Variants in BSX observed in about 807,000 individuals in gnomAD.
The protein encoded by BSX is brain-specific homeobox protein homolog.
BSX carries 12 observed loss-of-function variants against 16.9 expected under a neutral mutation model. That is an observed-to-expected ratio of 0.71 (90% CI 0.46 to 1.15). BSX has a LOEUF of 1.15. BSX is among the 50% of genes most tolerant of loss of function. BSX has a pLI of 0.00. For synonymous variants in BSX, 160 were observed against 136.4 expected (o/e 1.17, Z -1.20); for missense variants, 292 against 311.8 (o/e 0.94, Z 0.48).
rs1188571521 is a variant in BSX at position 122,981,536 on chromosome 11, C to A, written c.136G>T (p.Ala46Ser). The change falls in exon 1 of 3, where the codon GCC becomes TCC. Residue 46 changes from alanine to serine, a missense_variant. Coordinates refer to ENST00000343035, the MANE Select transcript of BSX (RefSeq NM_001098169.2). ...TAGTCTAGCAGAGGCACCCGAGAGG[C>A]CAGAGAGCTGGCGAAATGGTCTGGG... Reference protein sequence around the residue: ...VAPDHFASSLASRVPLLDYGY... With the variant: ...VAPDHFASSLSSRVPLLDYGY... The A allele has an allele frequency of 1.9e-6, 3 of 1,598,766 alleles. No individual in the cohort carries two copies. The highest frequency in any genetic ancestry group is 2.7e-5 in the African/African-American group (2 of 74,722).
chr11:122,978,462 AGT>A (rs1864524192), intron 2 of BSX, among the ~76,000 whole-genome samples: 1 of 151,974 alleles, frequency 6.6e-6, no homozygotes, highest in African/African-American at 2.4e-5. Context: ...CTTAAACCAT[AGT>A]GTGTGTGTTG....
At position 122,981,528 on chromosome 11, in the gene BSX, C is replaced by A; in HGVS notation, c.144G>T (p.Arg48=). The A allele has an allele frequency of 6.3e-7, 1 of 1,597,500 alleles. No individual in the cohort carries two copies. Among genetic ancestry groups the A allele is most frequent in the Non-Finnish European group, 8.5e-7 (1 of 1,172,108 alleles). Residue 48 remains arginine (R), a synonymous_variant, in exon 1 of 3, where the codon CGG becomes CGT. Transcript: ENST00000343035. ...PDHFASSLAS[R]VPLLDYGYPL... Reference sequence around the variant, plus strand: ...GGTAGCCATAGTCTAGCAGAGGCACCCGAGAGGCCAGAGAGCTGGCGAAAT... The same window carrying A: ...GGTAGCCATAGTCTAGCAGAGGCACACGAGAGGCCAGAGAGCTGGCGAAAT...
chr11:122,978,795 C>CTTTTTTTTTTTTTTT (rs35567142), intron 2 of BSX, among the ~76,000 whole-genome samples: 3 of 64,776 alleles, frequency 4.6e-5, no homozygotes, highest in African/African-American at 1.1e-4. Context: ...TTTTTCTTTT[C>CTTTTTTTTTTTTTTT]TTTTTTTTTT....
chr11:122,979,351 C>T lies in BSX; in HGVS notation c.369G>A (p.Ser123=), dbSNP rs745644362. The T allele has an allele frequency of 2.5e-6, 4 of 1,614,032 alleles. No individual in the cohort carries two copies. The African/African-American group carries it at 4.0e-5, about 16-fold the overall frequency. The part of the protein sequence containing the change: ...ARTVFSDSQL[S]GLEKRFEIQR... The stretch of plus-strand genomic sequence containing the variant: ...GGATCTCGAACCTCTTCTCCAAGCC[C>T]GAGAGCTGCGAGTCAGAGAAAACCG... The change falls in exon 2 of 3, where the codon TCG becomes TCA. Residue 123 remains serine (S), a synonymous_variant. Transcript: ENST00000343035.
intron 2 of BSX, 29 bp downstream of exon 2, chr11:122,979,232 G>A: frequency 2.5e-6 from 4 of 1,592,208 alleles, no homozygotes; most frequent in Non-Finnish European, 3.4e-6. Flanking sequence ...ACGAAGCAGA[G>A]ATCAGGGCCT....
Position 122,977,876 on chromosome 11 carries a change from G to A in BSX, c.475C>T (p.Gln159Ter), listed in dbSNP as rs1421153785. The A allele has an allele frequency of 6.2e-7, 1 of 1,613,780 alleles. No homozygotes were observed. Among genetic ancestry groups the A allele is most frequent in the Admixed American group, 1.7e-5 (1 of 59,958 alleles). The stretch of plus-strand genomic sequence containing the variant: ...TTTTTATGCTTCATCCGCCGGTTCT[G>A]GAACCACGTTTTCACCTGATTTCGG... ...LSETQVKTWF[Q>*]NRRMKHKKQL... Residue 159 changes from glutamine to a stop codon, truncating the protein, a stop_gained, in exon 3 of 3, where the codon CAG becomes TAG. Transcript: ENST00000343035. LOFTEE classifies it high-confidence loss of function. The surrounding 1 kb of genome is among the most constrained non-coding windows in gnomAD (Gnocchi z 4.5).
intron 1 of BSX, among the ~76,000 whole-genome samples, chr11:122,980,853 A>G (rs1864560225): frequency 6.6e-6 from 1 of 151,526 alleles, no homozygotes; most frequent in Non-Finnish European, 1.5e-5. Flanking sequence ...ATCTCCCCCT[A>G]CCCCCCTTTT....
Position 122,979,570 on chromosome 11 carries a change from C to T in BSX, c.263-113G>A, listed in dbSNP as rs1864543507. 1.3e-5 allele frequency: 11 copies of T among 827,670 alleles called. No homozygotes were observed. The East Asian group carries it at 3.1e-4, about 23-fold the overall frequency. The allele number at this position is 827,670 out of a possible 1,614,324, so 51.3% of individuals were successfully genotyped here. A position where few individuals can be genotyped will look rare whatever the true frequency, so the allele number is the denominator to read the frequency against. Reference sequence around the variant, plus strand: ...AGTGCCTTCCTCCGCCCCTCGCCTCCGTCAGTCTGCTCGCCCCAAAGCCCC... The same window carrying T: ...AGTGCCTTCCTCCGCCCCTCGCCTCTGTCAGTCTGCTCGCCCCAAAGCCCC... On this transcript the variant is annotated intron_variant, in intron 1 of 2. Coordinates refer to ENST00000343035, the MANE Select transcript of BSX (RefSeq NM_001098169.2).
In BSX at chr11:122,977,738, G is replaced by A; in HGVS notation, c.613C>T (p.Pro205Ser). Reference protein sequence around the residue: ...ATAAEARLSLPAGPFVLTEPE... With the variant: ...ATAAEARLSLSAGPFVLTEPE... Reference sequence around the variant, plus strand: ...TCGGTCAGCACGAAGGGACCGGCGGGCAGGCTCAGCCGAGCCTCGGCGGCG... The same window carrying A: ...TCGGTCAGCACGAAGGGACCGGCGGACAGGCTCAGCCGAGCCTCGGCGGCG... Residue 205 changes from proline to serine, a missense_variant, in exon 3 of 3, where the codon CCC becomes TCC. By Grantham distance (74) the Pro-to-Ser change is moderately conservative. Coordinates refer to ENST00000343035, the MANE Select transcript of BSX (RefSeq NM_001098169.2). The surrounding 1 kb of genome is among the most constrained non-coding windows in gnomAD (Gnocchi z 4.5). The A allele has an allele frequency of 6.2e-7, 1 of 1,610,434 alleles. No individual in the cohort carries two copies. Among genetic ancestry groups the A allele is most frequent in the Non-Finnish European group, 8.5e-7 (1 of 1,179,568 alleles).
chr11:122,981,296 C>G (rs1408952320), intron 1 of BSX, 114 bp downstream of exon 1: 2 of 1,062,132 alleles, frequency 1.9e-6, no homozygotes, highest in Non-Finnish European at 2.6e-6. Flanking sequence ...GGGAAAGAGG[C>G]CACCAAGCCA....
At chr11:122,978,132 A>G (rs1356856289) in intron 2 of BSX, among the ~76,000 whole-genome samples, 1 of 152,162 alleles carries the variant, frequency 6.6e-6, no homozygotes, top group African/African-American at 2.4e-5. Flanking sequence ...GCATATTGTT[A>G]TGAATTAGAA....
In BSX at chr11:122,977,931, C is replaced by A; in HGVS notation, c.460-40G>T. ...ATAAAAATAAAATCATGTCATTCCT[C>A]CAAATCTGAGCCATCGCTGGGGTTT... On this transcript the variant is annotated intron_variant, in intron 2 of 2. Transcript: ENST00000343035. The surrounding 1 kb of genome is among the most constrained non-coding windows in gnomAD (Gnocchi z 4.5). The A allele has an allele frequency of 6.2e-7, 1 of 1,608,538 alleles. No individual in the cohort carries two copies. Among genetic ancestry groups the A allele is most frequent in the South Asian group, 1.1e-5 (1 of 90,966 alleles).
At position 122,979,445 on chromosome 11, in the gene BSX, G is replaced by GGGACT; in HGVS notation, c.270_274dup (p.Pro92GlnfsTer65). 6.2e-7 allele frequency: 1 copy of GGGACT among 1,612,032 alleles called. No individual in the cohort carries two copies. The highest frequency in any genetic ancestry group is 8.5e-7 in the Non-Finnish European group (1 of 1,179,652). On this transcript the variant is annotated frameshift_variant, in exon 2 of 3. Transcript: ENST00000343035. LOFTEE classifies it high-confidence loss of function. ...GTGCTGCGGGTGCGGGAACAGCGCT[G>GGGACT]GGACTGGCATCCCTGCAGAGAGAAG...
rs569119595 is a variant in BSX at position 122,977,993 on chromosome 11, A to G, written c.460-102T>C. The stretch of plus-strand genomic sequence containing the variant: ...CTGCAGTCCGTTGATGAAGTATCCA[A>G]GAGCGGTGATAGCCTCAACTGCTCA... On this transcript the variant is annotated intron_variant, in intron 2 of 2. Transcript: ENST00000343035. The surrounding 1 kb of genome is among the most constrained non-coding windows in gnomAD (Gnocchi z 4.5). 7 of 1,429,980 alleles carry G rather than the reference A, an allele frequency of 4.9e-6. No homozygotes were observed. Among genetic ancestry groups the G allele is most frequent in the East Asian group, 4.5e-5 (2 of 44,124 alleles). 88.6% of individuals were successfully genotyped at this position (1,429,980 alleles called of 1,614,324 possible).
intron 1 of BSX, among the ~76,000 whole-genome samples, chr11:122,981,180 C>T (rs1463870863): frequency 6.6e-6 from 1 of 152,144 alleles, no homozygotes; most frequent in South Asian, 2.1e-4. Context: ...ACCTATCCTC[C>T]GCTATGAAGA....
Position 122,977,946 on chromosome 11 carries a change from C to A in BSX, c.460-55G>T. 3 of 1,604,034 alleles carry A rather than the reference C, an allele frequency of 1.9e-6. No homozygotes were observed. Among genetic ancestry groups the A allele is most frequent in the South Asian group, 1.1e-5 (1 of 90,698 alleles). The stretch of plus-strand genomic sequence containing the variant: ...TGTCATTCCTCCAAATCTGAGCCAT[C>A]GCTGGGGTTTAGGAAAATGGGCTGC... On this transcript the variant is annotated intron_variant, in intron 2 of 2. Transcript: ENST00000343035. This position sits in a 1 kb window ranked among gnomAD's most constrained non-coding sequence, Gnocchi z 4.5.
Position 122,977,762 on chromosome 11 carries a change from C to T in BSX, c.589G>A (p.Ala197Thr), listed in dbSNP as rs1018888705. The T allele has an allele frequency of 5.6e-6, 9 of 1,612,520 alleles. No individual in the cohort carries two copies. The highest frequency in any genetic ancestry group is 7.6e-6 in the Non-Finnish European group (9 of 1,179,538). Reference protein sequence around the residue: ...GSPRGSEAATAAEARLSLPAG... With the variant: ...GSPRGSEAATTAEARLSLPAG... ...GGCAGGCTCAGCCGAGCCTCGGCGG[C>T]GGTGGCGGCCTCTGAACCGCGGGGG... is the stretch of plus-strand genomic sequence containing the variant. The change falls in exon 3 of 3, where the codon GCC becomes ACC. Residue 197 changes from alanine (A) to threonine (T), a missense_variant. Ala to Thr is a moderately conservative substitution (Grantham distance 58). This residue lies in a region of BSX where 107 missense variants were observed against 97.1 expected (regional missense o/e 1.10). Coordinates refer to ENST00000343035, the MANE Select transcript of BSX (RefSeq NM_001098169.2). This position sits in a 1 kb window ranked among gnomAD's most constrained non-coding sequence, Gnocchi z 4.5.
At chr11:122,981,354 C>T in intron 1 of BSX, 56 bp downstream of exon 1, 1 of 1,440,972 alleles carries the variant, frequency 6.9e-7, no homozygotes, top group Non-Finnish European at 9.2e-7. Flanking sequence ...GGCTTAGGGT[C>T]TGTGCTAGAA....
Position 122,981,647 on chromosome 11 carries a change from G to C in BSX, c.25C>G (p.Leu9Val). MNLNFTSP[L>V]HPASSQRPTS... ...GGCCTCTGAGAAGACGCCGGGTGTA[G>C]AGGAGAGGTGAAGTTGAGATTCATC... The change falls in exon 1 of 3, where the codon CTA (leucine) becomes GTA (valine). Residue 9 changes from leucine to valine, a missense_variant. Leu to Val is a conservative substitution (Grantham distance 32, BLOSUM62 1). Coordinates refer to ENST00000343035, the MANE Select transcript of BSX (RefSeq NM_001098169.2). The C allele has an allele frequency of 6.3e-7, 1 of 1,592,620 alleles. No individual in the cohort carries two copies. The highest frequency in any genetic ancestry group is 8.5e-7 in the Non-Finnish European group (1 of 1,170,248).
Sources: gnomAD v4.1 joint callset for allele counts (sites outside exome capture counted in the v4.1 genomes callset) on GRCh38, gnomAD v4.1.1 for gene constraint, gnomAD v4.1.1 regional missense constraint, Gnocchi (gnomAD v3.1) non-coding constraint, MANE v1.5 for transcripts, NCBI Gene and HGNC (gene_info 2026-07-23, HGNC 2026-07-21) for gene names.